RYK: variants seen among roughly 807,000 people sequenced by gnomAD.
The protein encoded by RYK is inactive tyrosine-protein kinase RYK.
Under a neutral mutation model 70.2 loss-of-function variants are expected in RYK, and 21 were observed. That is an observed-to-expected ratio of 0.30 (90% confidence interval 0.21 to 0.43). RYK has a LOEUF of 0.43. Ranked by LOEUF, RYK falls within the 20% of genes least tolerant of loss-of-function variation. RYK has a pLI of 1.00. For missense variants in RYK, 604 were observed against 753.3 expected (o/e 0.80, Z 2.32); for synonymous variants, 267 against 278.0 (o/e 0.96, Z 0.39).
At chr3:134,166,802 TC>T (rs2012690897) in intron 13 of RYK, among the ~76,000 whole-genome samples, 2 of 152,244 alleles carry the variant, frequency 1.3e-5, no homozygotes, top group African/African-American at 4.8e-5. Context: ...AACTACTTGA[TC>T]ACAGGACAGC....
chr3:134,213,242 C>A (rs960004716), intron 2 of RYK, among the ~76,000 whole-genome samples: 1 of 152,148 alleles, frequency 6.6e-6, no homozygotes, highest in African/African-American at 2.4e-5. Flanking sequence ...AAATCAGCAC[C>A]GCCAGCAAGA....
At chr3:134,246,742 C>T (rs747620400) in intron 1 of RYK, among the ~76,000 whole-genome samples, 1 of 152,076 alleles carries the variant, frequency 6.6e-6, no homozygotes, top group Non-Finnish European at 1.5e-5. Context: ...AATTTATCTC[C>T]CATCATTCCT....
chr3:134,208,021 G>C (rs1235769909), intron 4 of RYK, among the ~76,000 whole-genome samples: 1 of 152,164 alleles, frequency 6.6e-6, no homozygotes, highest in Non-Finnish European at 1.5e-5. Context: ...ACATAATAAA[G>C]TAAGAGTCAT....
At chr3:134,240,033 C>G (rs2015282416) in intron 1 of RYK, among the ~76,000 whole-genome samples, 1 of 152,132 alleles carries the variant, frequency 6.6e-6, no homozygotes, top group Admixed American at 6.6e-5. Flanking sequence ...AGAGTGGATC[C>G]AGGTCGTAGG....
rs754483794 is a variant in RYK at position 134,188,941 on chromosome 3, A to C, written c.1016-18T>G. 1 of 1,340,742 alleles carries C rather than the reference A, an allele frequency of 7.5e-7. No homozygotes were observed. The highest frequency in any genetic ancestry group is 1.1e-6 in the Non-Finnish European group (1 of 948,564). 83.1% of individuals were successfully genotyped at this position (1,340,742 alleles called of 1,614,324 possible). A position where few individuals can be genotyped will look rare whatever the true frequency, so the allele number is the denominator to read the frequency against. On this transcript the variant is annotated intron_variant, in intron 8 of 14. Transcript: ENST00000623711. ...AAAAGTACCTAAAAGGAAAAGTAATAATTAATGAGATCATACAACATTCAT... is the reference window on the plus strand; with the variant it reads ...AAAAGTACCTAAAAGGAAAAGTAATCATTAATGAGATCATACAACATTCAT...
intron 9 of RYK, among the ~76,000 whole-genome samples, chr3:134,183,890 T>A (rs548430933): frequency 6.6e-6 from 1 of 152,202 alleles, no homozygotes; most frequent in Admixed American, 6.5e-5. Context: ...CTAAGGTATA[T>A]TAAATTTCAA....
At chr3:134,220,148 C>T (rs917050149) in intron 2 of RYK, among the ~76,000 whole-genome samples, 1 of 152,058 alleles carries the variant, frequency 6.6e-6, no homozygotes, top group South Asian at 2.1e-4. Context: ...AACTGAGGGG[C>T]ATTCTACAAA....
At chr3:134,189,469 T>G (rs953024698) in intron 8 of RYK, among the ~76,000 whole-genome samples, 1 of 151,926 alleles carries the variant, frequency 6.6e-6, no homozygotes, top group Non-Finnish European at 1.5e-5. Context: ...TAAAAACTCT[T>G]AGAGTGAGAA....
intron 13 of RYK, among the ~76,000 whole-genome samples, chr3:134,171,265 T>C (rs1175631388): frequency 6.6e-6 from 1 of 152,250 alleles, no homozygotes; most frequent in Non-Finnish European, 1.5e-5. Flanking sequence ...TGTGAACTCC[T>C]GCAAAATGTC....
At chr3:134,185,318 T>C (rs919579878) in intron 9 of RYK, among the ~76,000 whole-genome samples, 1 of 152,204 alleles carries the variant, frequency 6.6e-6, no homozygotes, top group Non-Finnish European at 1.5e-5. Flanking sequence ...ATTTGGTCTT[T>C]AAATGTGGAA....
intron 5 of RYK, among the ~76,000 whole-genome samples, chr3:134,203,557 G>A (rs1045407181): frequency 6.6e-6 from 1 of 152,096 alleles, no homozygotes; most frequent in Admixed American, 6.6e-5. Context: ...CTAATGGATT[G>A]TACCAAAGTA....
intron 1 of RYK, 24 bp downstream of exon 1, chr3:134,250,380 GCCGGCCCGACCTGCCCGCC>G: frequency 7.8e-7 from 1 of 1,284,184 alleles, no homozygotes; most frequent in Non-Finnish European, 1.0e-6. Context: ...AGCTGCCCCA[GCCGGCCCGACCTGCCCGCC>G]CCGGCCTCGG....
intron 8 of RYK, among the ~76,000 whole-genome samples, chr3:134,191,501 C>A (rs900481722): frequency 5.9e-5 from 9 of 152,164 alleles, no homozygotes. Flanking sequence ...TCCGCTACAA[C>A]CCCCAAGTTA....
chr3:134,164,641 C>T (rs2012596420), intron 13 of RYK, among the ~76,000 whole-genome samples: 2 of 152,226 alleles, frequency 1.3e-5, no homozygotes, highest in African/African-American at 2.4e-5. Context: ...CTGCAGTTTA[C>T]CCATTTACCT....
chr3:134,165,881 T>G (rs1179611836), intron 13 of RYK, among the ~76,000 whole-genome samples: 1 of 152,218 alleles, frequency 6.6e-6, no homozygotes, highest in African/African-American at 2.4e-5. Context: ...CTTTTATAGG[T>G]TCAGAGCTAG....
intron 14 of RYK, among the ~76,000 whole-genome samples, chr3:134,158,758 T>A (rs1272811752): frequency 6.6e-6 from 1 of 152,178 alleles, no homozygotes; most frequent in South Asian, 2.1e-4. Context: ...TCTCATTACA[T>A]GGCAAGATAA....
At position 134,177,955 on chromosome 3, in the gene RYK, C is replaced by T; in HGVS notation, c.1291G>A (p.Ala431Thr). The T allele has an allele frequency of 1.2e-6, 2 of 1,610,792 alleles. No homozygotes were observed. The highest frequency in any genetic ancestry group is 1.7e-6 in the Non-Finnish European group (2 of 1,178,956). The stretch of plus-strand genomic sequence containing the variant: ...ATTTTTCTCACCTGTGGATTATTGG[C>T]CTCTACTAACTTGCACTGTCGTAAA... ...LFLRQCKLVEANNPQAISQQD... is the reference protein window; with the variant it reads ...LFLRQCKLVETNNPQAISQQD... Residue 431 changes from alanine (A) to threonine (T), a missense_variant, in exon 11 of 15, where the codon GCC becomes ACC. Ala to Thr is a moderately conservative substitution (Grantham distance 58). Around this residue, in one of 2 missense-constraint regions of RYK, gnomAD observed 466 missense variants for 535.9 expected, o/e 0.87. Transcript: ENST00000623711.
intron 1 of RYK, among the ~76,000 whole-genome samples, chr3:134,240,315 C>T (rs934460224): frequency 1.3e-5 from 2 of 152,080 alleles, no homozygotes; most frequent in Non-Finnish European, 2.9e-5. Context: ...ACAGAATTGG[C>T]TATGAGTTGA....
rs181302677 is a variant in RYK, at chr3:134,178,506, T to A, written c.1173-433A>T. ...ATCCAGACGGTGGTCAAGAATATGATCATCAAAAAAGGTCTCTAAAAGGCT... is the reference window on the plus strand; with the variant it reads ...ATCCAGACGGTGGTCAAGAATATGAACATCAAAAAAGGTCTCTAAAAGGCT... On this transcript the variant is annotated intron_variant, in intron 10 of 14. Transcript: ENST00000623711. 6.2e-3 allele frequency: 924 copies of A among 149,998 alleles called. 3 individuals carry two copies. Among genetic ancestry groups the A allele is most frequent in the Non-Finnish European group, 8.6e-3 (585 of 67,782 alleles). The allele number at this position is 149,998 out of a possible 1,614,324, so 9.3% of individuals were successfully genotyped here.
Sources: gnomAD v4.1 joint callset for allele counts (sites outside exome capture counted in the v4.1 genomes callset) on GRCh38, gnomAD v4.1.1 for gene constraint, gnomAD v4.1.1 regional missense constraint, MANE v1.5 for transcripts, NCBI Gene and HGNC (gene_info 2026-07-23, HGNC 2026-07-21) for gene names.